The following PACRG variants were observed in gnomAD, a reference collection of about 807,000 sequenced individuals.
PACRG encodes parkin coregulated.
A neutral mutation model predicts 29.7 loss-of-function variants in PACRG; 29 were observed. The ratio of observed to expected loss-of-function variants is 0.98; its 90% confidence interval spans 0.73 to 1.33. The LOEUF is 1.33. Ranked by LOEUF, PACRG falls within the 40% of genes most tolerant of loss-of-function variation. PACRG has a pLI of 0.00. For synonymous variants in PACRG, 116 were observed against 118.7 expected, an observed-to-expected ratio of 0.98 and a Z score of 0.15; for missense variants, 279 against 316.2, an observed-to-expected ratio of 0.88 and a Z score of 0.89.
intron 4 of PACRG, among the ~76,000 whole-genome samples, chr6:163,187,211 T>G (rs1256738400): frequency 2.0e-5 from 3 of 152,178 alleles, no homozygotes; most frequent in African/African-American, 7.2e-5. Flanking sequence ...CATTATTGAC[T>G]TCTCACATCC....
chr6:162,861,615 C>T (rs371685960), intron 2 of PACRG, among the ~76,000 whole-genome samples: 64 of 152,240 alleles, frequency 4.2e-4, no homozygotes, highest in African/African-American at 1.3e-3. Context: ...ACAGAGGGAA[C>T]GTGGAAGCTC....
intron 2 of PACRG, among the ~76,000 whole-genome samples, chr6:162,861,755 C>T (rs1017812259): frequency 6.6e-6 from 1 of 152,164 alleles, no homozygotes; most frequent in Non-Finnish European, 1.5e-5. Flanking sequence ...AAATCTTTTA[C>T]TGAATCTCTT....
At chr6:163,280,675 G>T (rs1461437569) in intron 4 of PACRG, among the ~76,000 whole-genome samples, 16 of 152,166 alleles carry the variant, frequency 1.1e-4, no homozygotes, top group Admixed American at 1.0e-3. Context: ...TCTTTTCCTG[G>T]CTTGCAGGTG....
intron 1 of PACRG, 136 bp from the exon 2 acceptor site, chr6:162,814,011 C>A: frequency 1.1e-6 from 1 of 887,372 alleles, no homozygotes; most frequent in Non-Finnish European, 1.6e-6. Context: ...TTTCTGTTGT[C>A]CCTTATTTGA....
In PACRG at chr6:162,797,412, T is replaced by G. The variant is rs1176129891; in HGVS notation, c.157-16735T>G. Among the ~76,000 whole-genome samples, 4 of 152,236 alleles carry G rather than the reference T, an allele frequency of 2.6e-5. No homozygotes were observed. In the East Asian group the frequency reaches 7.7e-4, roughly 29 times the overall value. ...ATCTTGCAGGTGCTTATCTATTGTCTTCTGGGATGAGACATTGAACTGGAA... is the reference window on the plus strand; with the variant it reads ...ATCTTGCAGGTGCTTATCTATTGTCGTCTGGGATGAGACATTGAACTGGAA... On this transcript the variant is annotated intron_variant, in intron 1 of 4. Transcript: ENST00000366888.
chr6:163,064,896 C>A (rs1444128828), intron 3 of PACRG, among the ~76,000 whole-genome samples: 1 of 151,386 alleles, frequency 6.6e-6, no homozygotes, highest in Non-Finnish European at 1.5e-5. Context: ...TGTATAAACT[C>A]ACTGTGAGGC....
At chr6:163,165,659 G>A (rs1778768688) in intron 4 of PACRG, 1 of 193,804 alleles carries the variant, frequency 5.2e-6, no homozygotes, top group African/African-American at 2.4e-5. Flanking sequence ...GAGAGGCGCT[G>A]GCCCAGCGTG....
Position 163,081,590 on chromosome 6 carries a change from C to T in PACRG, c.464-7669C>T, listed in dbSNP as rs923206726. Among the ~76,000 whole-genome samples, 63 of 152,238 alleles carry T rather than the reference C, an allele frequency of 4.1e-4. No homozygotes were observed. The Middle Eastern group carries it at 0.017, about 41-fold the overall frequency. ...TCGGCAACATAGTGAGACCCCATCT[C>T]TACAAATATAAAAAAATTAGCCAGC... On this transcript the variant is annotated intron_variant, in intron 3 of 4. Coordinates refer to ENST00000366888, the MANE Select transcript of PACRG (RefSeq NM_001080379.2).
At chr6:163,272,908 T>C (rs1783890043) in intron 4 of PACRG, among the ~76,000 whole-genome samples, 1 of 131,582 alleles carries the variant, frequency 7.6e-6, no homozygotes, top group African/African-American at 3.3e-5. Context: ...TTTTTTTTTT[T>C]TGAGACGGAG....
intron 4 of PACRG, among the ~76,000 whole-genome samples, chr6:163,306,484 C>T (rs1034991042): frequency 6.6e-6 from 1 of 152,120 alleles, no homozygotes; most frequent in African/African-American, 2.4e-5. Context: ...CTTAGCTTGC[C>T]TTTTTGTAGT....
intron 4 of PACRG, among the ~76,000 whole-genome samples, chr6:163,175,892 A>G (rs1779331472): frequency 6.6e-6 from 1 of 152,176 alleles, no homozygotes; most frequent in South Asian, 2.1e-4. Context: ...GGCCTTTTCA[A>G]TTTTGTATTT....
At chr6:162,959,078 TAAC>T (rs10522815) in intron 2 of PACRG, among the ~76,000 whole-genome samples, 20,668 of 147,288 alleles carry the variant, frequency 0.14, 2,514 homozygotes, top group African/African-American at 0.32. Context: ...CATGCCTGGC[TAAC>T]TTTTTTTTTT....
chr6:162,925,195 C>G (rs1406789336), intron 2 of PACRG, among the ~76,000 whole-genome samples: 1 of 152,052 alleles, frequency 6.6e-6, no homozygotes, highest in East Asian at 1.9e-4. Context: ...CATTAAAAGT[C>G]CAGGACCAGA....
intron 2 of PACRG, among the ~76,000 whole-genome samples, chr6:162,909,143 A>T (rs925926884): frequency 1.3e-5 from 2 of 152,178 alleles, no homozygotes; most frequent in East Asian, 1.9e-4. Flanking sequence ...ACAAATGATC[A>T]TACTCTTTCA....
At chr6:162,813,412 G>T (rs1184643149) in intron 1 of PACRG, among the ~76,000 whole-genome samples, 1 of 151,940 alleles carries the variant, frequency 6.6e-6, no homozygotes, top group Non-Finnish European at 1.5e-5. Flanking sequence ...GTAATCTAAT[G>T]AATTAGTTCC....
chr6:163,164,280 CAT>C (rs1377748311), intron 4 of PACRG, among the ~76,000 whole-genome samples: 10 of 152,228 alleles, frequency 6.6e-5, no homozygotes, highest in African/African-American at 2.2e-4. Context: ...ATCTCAGTCA[CAT>C]GTGTTCATGG....
intron 2 of PACRG, among the ~76,000 whole-genome samples, chr6:162,942,314 C>A (rs902613137): frequency 6.6e-6 from 1 of 152,170 alleles, no homozygotes; most frequent in African/African-American, 2.4e-5. Flanking sequence ...TTCAATATGA[C>A]TTCCTGTCCC....
intron 2 of PACRG, among the ~76,000 whole-genome samples, chr6:162,961,114 A>G (rs745663202): frequency 5.9e-5 from 9 of 152,218 alleles, no homozygotes; most frequent in Non-Finnish European, 1.0e-4. Flanking sequence ...GACACAGCAC[A>G]TAGATGTACT....
At chr6:162,850,865 C>T (rs995135007) in intron 2 of PACRG, among the ~76,000 whole-genome samples, 3 of 152,164 alleles carry the variant, frequency 2.0e-5, no homozygotes, top group African/African-American at 2.4e-5. Context: ...TTCTGGAGGC[C>T]GAGACTTGCA....
Sources: allele counts gnomAD v4.1 joint callset (sites outside exome capture counted in the v4.1 genomes callset), GRCh38; gene constraint gnomAD v4.1.1; transcripts MANE v1.5; gene names NCBI Gene and HGNC (gene_info 2026-07-23, HGNC 2026-07-21).